Variants in CMSS1 observed in about 807,000 individuals in gnomAD.
The protein encoded by CMSS1 is cms1 ribosomal small subunit homolog.
In CMSS1, 33 loss-of-function variants were observed where a neutral mutation model predicts 43.5. The observed-to-expected ratio is 0.76, with a 90% CI of 0.57 to 1.01. The LOEUF is 1.01. Among genes scored for constraint, CMSS1 ranks in the 50% least tolerant of loss-of-function variants. CMSS1 has a pLI of 0.00. For missense variants in CMSS1, 313 were observed against 326.4 expected (o/e 0.96, Z 0.32); for synonymous variants, 115 against 117.2 (o/e 0.98, Z 0.12).
intron 1 of CMSS1, among the ~76,000 whole-genome samples, chr3:99,824,071 T>C (rs1942491310): frequency 6.6e-6 from 1 of 152,028 alleles, no homozygotes; most frequent in Non-Finnish European, 1.5e-5. Flanking sequence ...TACAGGCGCC[T>C]GCCACCACAC....
chr3:99,956,005 G>C (rs1576599102), intron 1 of CMSS1, among the ~76,000 whole-genome samples: 1 of 152,162 alleles, frequency 6.6e-6, no homozygotes, highest in East Asian at 1.9e-4. Flanking sequence ...TGGCTAGGTT[G>C]TAAGGTGCCT....
At chr3:99,989,058 C>A (rs187436223) in intron 1 of CMSS1, among the ~76,000 whole-genome samples, 1 of 152,322 alleles carries the variant, frequency 6.6e-6, no homozygotes, top group Admixed American at 6.5e-5. Context: ...TCTTCCATCT[C>A]ATAAACTTAC....
At position 100,032,395 on chromosome 3, in the gene CMSS1, T is replaced by C. The variant is rs142812024; in HGVS notation, c.65-114578T>C. Among the ~76,000 whole-genome samples, 1,095 of 152,308 alleles carry C rather than the reference T, an allele frequency of 7.2e-3. 4 individuals carry two copies. The highest frequency in any genetic ancestry group is 9.9e-3 in the African/African-American group (413 of 41,570). ...GAAAAGTGGAAATAAGAAGAGGACA[T>C]GTGACTTAGAGCTTGCCATAAGGTA... On this transcript the variant is annotated intron_variant, in intron 1 of 9. Coordinates refer to ENST00000421999, the MANE Select transcript of CMSS1 (RefSeq NM_032359.4).
At chr3:100,143,378 T>C (rs1235546403) in intron 1 of CMSS1, among the ~76,000 whole-genome samples, 1 of 152,276 alleles carries the variant, frequency 6.6e-6, no homozygotes, top group Non-Finnish European at 1.5e-5. Flanking sequence ...TGGCCTTTCA[T>C]TATTAGCCAT....
intron 1 of CMSS1, among the ~76,000 whole-genome samples, chr3:99,886,207 T>G (rs754039943): frequency 6.6e-6 from 1 of 151,800 alleles, no homozygotes; most frequent in Non-Finnish European, 1.5e-5. Context: ...GTTGAATACC[T>G]TCTGTGTGTT....
chr3:99,995,221 A>C (rs1709642365), intron 1 of CMSS1, among the ~76,000 whole-genome samples: 1 of 152,208 alleles, frequency 6.6e-6, no homozygotes, highest in Non-Finnish European at 1.5e-5. Flanking sequence ...CAAATGGAAG[A>C]AATTGGCCAA....
intron 6 of CMSS1, 42 bp from the exon 7 acceptor site, chr3:100,171,797 T>C: frequency 6.5e-7 from 1 of 1,540,056 alleles, no homozygotes; most frequent in Non-Finnish European, 9.0e-7. Flanking sequence ...TGGCCTAGAA[T>C]GAGTTGGTTT....
At chr3:100,165,311 G>A (rs976777951) in intron 4 of CMSS1, among the ~76,000 whole-genome samples, 3 of 151,794 alleles carry the variant, frequency 2.0e-5, no homozygotes, top group African/African-American at 7.3e-5. Context: ...TCCAGCCCCT[G>A]TTTTATTTTA....
At chr3:100,157,946 T>G (rs764716587) in intron 2 of CMSS1, among the ~76,000 whole-genome samples, 1 of 152,178 alleles carries the variant, frequency 6.6e-6, no homozygotes, top group South Asian at 2.1e-4. Flanking sequence ...GTCGAGCAGG[T>G]CAAAGACTTA....
intron 1 of CMSS1, among the ~76,000 whole-genome samples, chr3:100,047,041 G>T (rs945044185): frequency 6.6e-6 from 1 of 152,184 alleles, no homozygotes; most frequent in Non-Finnish European, 1.5e-5. Flanking sequence ...AAGATAAAAT[G>T]TAAAGGGTAT....
At chr3:99,833,138 C>A in intron 1 of CMSS1, 1 of 1,062,480 alleles carries the variant, frequency 9.4e-7, no homozygotes, top group East Asian at 2.4e-5. Context: ...TTGGAAAGCT[C>A]ATTCATAGAA....
At chr3:99,843,109 C>T (rs771083988) in intron 1 of CMSS1, among the ~76,000 whole-genome samples, 1 of 152,178 alleles carries the variant, frequency 6.6e-6, no homozygotes, top group African/African-American at 2.4e-5. Flanking sequence ...CTTCCTTGCT[C>T]TTTCTTGTAT....
At chr3:100,036,815 A>T (rs1246594626) in intron 1 of CMSS1, among the ~76,000 whole-genome samples, 1 of 152,216 alleles carries the variant, frequency 6.6e-6, no homozygotes, top group Non-Finnish European at 1.5e-5. Flanking sequence ...CAAAGTTACC[A>T]TCATCAATAG....
chr3:100,034,713 T>G (rs1317415822), intron 1 of CMSS1, among the ~76,000 whole-genome samples: 1 of 152,188 alleles, frequency 6.6e-6, no homozygotes, highest in East Asian at 1.9e-4. Context: ...AAAGTACACC[T>G]GCTTGAAATA....
rs756308063 is a variant in CMSS1 at position 100,160,819 on chromosome 3, G to A, written c.225+318G>A. 5.3e-5 allele frequency among the ~76,000 whole-genome samples: 8 copies of A among 151,990 alleles called. No individual in the cohort carries two copies. In the South Asian group the frequency reaches 1.0e-3, roughly 20 times the overall value. ...AAGGAGTCCAGAGCTATCCTCCCCC[G>A]GCCCTTCTGGCTCTGTCCATGAAAA... On this transcript the variant is annotated intron_variant, in intron 3 of 9. Coordinates refer to ENST00000421999, the MANE Select transcript of CMSS1 (RefSeq NM_032359.4).
chr3:100,108,376 T>A (rs2066429374), intron 1 of CMSS1, among the ~76,000 whole-genome samples: 1 of 152,196 alleles, frequency 6.6e-6, no homozygotes, highest in South Asian at 2.1e-4. Flanking sequence ...TATGTGTCAC[T>A]AACTGTGCTT....
At chr3:100,089,921 A>G (rs1470345297) in intron 1 of CMSS1, among the ~76,000 whole-genome samples, 2 of 152,140 alleles carry the variant, frequency 1.3e-5, no homozygotes, top group African/African-American at 4.8e-5. Context: ...ATTGACTCAG[A>G]TGATCTCTAA....
At chr3:100,068,592 T>C (rs2065707346) in intron 1 of CMSS1, among the ~76,000 whole-genome samples, 1 of 152,192 alleles carries the variant, frequency 6.6e-6, no homozygotes, top group Non-Finnish European at 1.5e-5. Flanking sequence ...TCAGTTTACT[T>C]TTCTAAAACA....
intron 1 of CMSS1, among the ~76,000 whole-genome samples, chr3:99,908,386 A>C (rs1306472837): frequency 6.6e-6 from 1 of 152,218 alleles, no homozygotes; most frequent in African/African-American, 2.4e-5. Context: ...GAACATTTGA[A>C]CCATATTTGA....
Sources: gnomAD v4.1 joint callset for allele counts (sites outside exome capture counted in the v4.1 genomes callset) on GRCh38, gnomAD v4.1.1 for gene constraint, MANE v1.5 for transcripts, NCBI Gene and HGNC (gene_info 2026-07-23, HGNC 2026-07-21) for gene names.